Variants in KBTBD11 observed in about 807,000 individuals in gnomAD.
The protein encoded by KBTBD11 is kelch repeat and BTB domain-containing protein 11.
For missense variants in KBTBD11, 1,390 were observed against 1,001.8 expected (o/e 1.39, Z -5.23); for synonymous variants, 747 against 499.0 (o/e 1.50, Z -6.63).
rs781135669 is a variant in KBTBD11, at chr8:2,002,503, C to A, written c.1311C>A (p.Pro437=). The A allele has an allele frequency of 5.3e-6, 8 of 1,512,662 alleles. No homozygotes were observed. Among genetic ancestry groups the A allele is most frequent in the South Asian group, 2.5e-5 (2 of 81,512 alleles). 93.7% of individuals were successfully genotyped at this position (1,512,662 alleles called of 1,614,324 possible). Residue 437 remains proline (P), a synonymous_variant, in exon 2 of 2, where the codon CCC becomes CCA. Transcript: ENST00000320248. This position sits in a 1 kb window ranked among gnomAD's most constrained non-coding sequence, Gnocchi z 4.1. ...ACCCGCGCGCCGACCGCTGGGCCCC[C>A]GTGGCGCCGCTGCCCCGGGGCGCCT... ...RYDPRADRWA[P]VAPLPRGAFA... is the part of the protein sequence containing the mutation.
At position 1,973,889 on chromosome 8, in the gene KBTBD11, C is replaced by G. The variant is rs929179839; in HGVS notation, c.-955C>G. ...CGCGCATGCGCCGGAGCCCACCCGC[C>G]TGGCTGCGCGTCCCGGGCCCGGCGG... is the stretch of plus-strand genomic sequence containing the variant. On this transcript the variant is annotated 5_prime_UTR_variant, in exon 1 of 2. Transcript: ENST00000320248. 2.0e-6 allele frequency: 2 copies of G among 982,936 alleles called. No homozygotes were observed. The highest frequency in any genetic ancestry group is 3.5e-5 in the African/African-American group (2 of 56,792). 60.9% of individuals were successfully genotyped at this position (982,936 alleles called of 1,614,324 possible).
At position 1,973,679 on chromosome 8, in the gene KBTBD11, G is replaced by T; in HGVS notation, c.-1165G>T. ...TGCACGCGCCCGCCCCCCTCCCCGC[G>T]CCCCGCGCGCGCCCCTCGCAGCCTG... On this transcript the variant is annotated 5_prime_UTR_variant, in exon 1 of 2. Coordinates refer to ENST00000320248, the MANE Select transcript of KBTBD11 (RefSeq NM_014867.3). The T allele has an allele frequency of 1.0e-6, 1 of 982,170 alleles. No homozygotes were observed. The highest frequency in any genetic ancestry group is 1.2e-6 in the Non-Finnish European group (1 of 827,828). The allele number at this position is 982,170 out of a possible 1,614,324, so 60.8% of individuals were successfully genotyped here. A position where few individuals can be genotyped will look rare whatever the true frequency, so the allele number is the denominator to read the frequency against.
At chr8:1,979,106 A>T (rs1032778658) in intron 1 of KBTBD11, among the ~76,000 whole-genome samples, 1 of 152,146 alleles carries the variant, frequency 6.6e-6, no homozygotes, top group Non-Finnish European at 1.5e-5. Context: ...GAGGGATTAG[A>T]GAGCAAGATT....
Position 2,001,280 on chromosome 8 carries a change from C to G in KBTBD11, c.88C>G (p.Pro30Ala), listed in dbSNP as rs1010143099. The G allele has an allele frequency of 1.4e-5, 22 of 1,521,050 alleles. No homozygotes were observed. The African/African-American group carries it at 2.1e-4, about 15-fold the overall frequency. 94.2% of individuals were successfully genotyped at this position (1,521,050 alleles called of 1,614,324 possible). A position where few individuals can be genotyped will look rare whatever the true frequency, so the allele number is the denominator to read the frequency against. ...GAGCGAGAGCGAGGGCGCCGCGTCC[C>G]CGGCGCAGACACCCTGCAGTCTCGG... ...GESESEGAAS[P>A]AQTPCSLGAS... The change falls in exon 2 of 2, where the codon CCG (proline) becomes GCG (alanine). Residue 30 changes from proline to alanine, a missense_variant. By Grantham distance (27) the Pro-to-Ala change is conservative. Transcript: ENST00000320248.
At chr8:1,974,263 C>A in intron 1 of KBTBD11, 4 of 978,672 alleles carry the variant, frequency 4.1e-6, no homozygotes, top group Non-Finnish European at 4.9e-6. Context: ...GGGGTCTCCA[C>A]AGGCCCTCCC....
intron 1 of KBTBD11, among the ~76,000 whole-genome samples, chr8:1,985,096 A>G (rs1416402008): frequency 6.6e-6 from 1 of 152,214 alleles, no homozygotes. Flanking sequence ...GCCCTTCTGT[A>G]GGAACTCCTG....
chr8:1,984,677 A>C lies in KBTBD11; in HGVS notation c.-909+10742A>C, dbSNP rs556276629. 2.0e-5 allele frequency among the ~76,000 whole-genome samples: 3 copies of C among 152,162 alleles called. No individual in the cohort carries two copies. The South Asian group carries it at 6.2e-4, about 32-fold the overall frequency. On this transcript the variant is annotated intron_variant, in intron 1 of 1. Transcript: ENST00000320248. Reference sequence around the variant, plus strand: ...CCTAAAAAGCACACGTGTGATAGGCACTCCAAACTTGACTTCCCACAGGAG... The same window carrying C: ...CCTAAAAAGCACACGTGTGATAGGCCCTCCAAACTTGACTTCCCACAGGAG...
At chr8:1,976,155 G>C (rs1253985761) in intron 1 of KBTBD11, 1 of 152,174 alleles carries the variant, frequency 6.6e-6, no homozygotes, top group Non-Finnish European at 1.5e-5. Flanking sequence ...CTTGAGAAGG[G>C]CCCGGAGAAC....
intron 1 of KBTBD11, among the ~76,000 whole-genome samples, chr8:1,987,232 A>G (rs575654937): frequency 2.0e-5 from 3 of 152,196 alleles, no homozygotes; most frequent in African/African-American, 2.4e-5. Flanking sequence ...TAAAATATAC[A>G]TAAATAGAAT....
Position 2,005,069 on chromosome 8 carries a change from C to G in KBTBD11, c.*2005C>G, listed in dbSNP as rs1817529759. Reference sequence around the variant, plus strand: ...TATTGAAATTAGGCTTCCAGAGTAACACTGTCCCCGGAAAAGGATATGAGA... The same window carrying G: ...TATTGAAATTAGGCTTCCAGAGTAAGACTGTCCCCGGAAAAGGATATGAGA... On this transcript the variant is annotated 3_prime_UTR_variant, in exon 2 of 2. Coordinates refer to ENST00000320248, the MANE Select transcript of KBTBD11 (RefSeq NM_014867.3). The G allele has an allele frequency of 6.0e-6, 1 of 166,990 alleles. No individual in the cohort carries two copies. Among genetic ancestry groups the G allele is most frequent in the Non-Finnish European group, 1.5e-5 (1 of 68,128 alleles). The allele number at this position is 166,990 out of a possible 1,614,324, so 10.3% of individuals were successfully genotyped here. A position where few individuals can be genotyped will look rare whatever the true frequency, so the allele number is the denominator to read the frequency against.
rs1237732385 is a variant in KBTBD11, at chr8:2,001,936, G to C, written c.744G>C (p.Leu248=). ...TGAGCGCGGCCAAGCGGCAGCGGCT[G>C]AACGAGCTGCGCGACGCCGCCTACT... The part of the protein sequence containing the change: ...EVLSAAKRQR[L]NELRDAAYCF... Residue 248 remains leucine, a synonymous_variant, in exon 2 of 2, where the codon CTG becomes CTC. Transcript: ENST00000320248. 2 of 1,472,258 alleles carry C rather than the reference G, an allele frequency of 1.4e-6. No homozygotes were observed. Among genetic ancestry groups the C allele is most frequent in the Non-Finnish European group, 9.0e-7 (1 of 1,108,550 alleles). The allele number at this position is 1,472,258 out of a possible 1,614,324, so 91.2% of individuals were successfully genotyped here.
Position 2,002,304 on chromosome 8 carries a change from G to C in KBTBD11, c.1112G>C (p.Gly371Ala). ...GTGGCGGGCGGCGTGGCGCCCGCGG[G>C]CCCCGACGGCCGCGCGCGCCCGTCC... ...LFVAGGVAPA[G>A]PDGRARPSDQ... is the part of the protein sequence containing the mutation. The change falls in exon 2 of 2, where the codon GGC becomes GCC. Residue 371 changes from glycine (G) to alanine (A), a missense_variant. Transcript: ENST00000320248. This position sits in a 1 kb window ranked among gnomAD's most constrained non-coding sequence, Gnocchi z 4.1. 7.4e-7 allele frequency: 1 copy of C among 1,350,982 alleles called. No individual in the cohort carries two copies. The highest frequency in any genetic ancestry group is 9.4e-7 in the Non-Finnish European group (1 of 1,060,648). The allele number at this position is 1,350,982 out of a possible 1,614,324, so 83.7% of individuals were successfully genotyped here. A position where few individuals can be genotyped will look rare whatever the true frequency, so the allele number is the denominator to read the frequency against.
chr8:1,976,725 G>A (rs1202352625), intron 1 of KBTBD11, among the ~76,000 whole-genome samples: 1 of 152,216 alleles, frequency 6.6e-6, no homozygotes, highest in Non-Finnish European at 1.5e-5. Flanking sequence ...AACACACGGA[G>A]ATGAGTGCGT....
intron 1 of KBTBD11, among the ~76,000 whole-genome samples, chr8:1,995,855 T>A (rs1817118304): frequency 6.6e-6 from 1 of 152,082 alleles, no homozygotes; most frequent in South Asian, 2.1e-4. Flanking sequence ...CGAGATCCTG[T>A]TTCTACTAAA....
rs568932710 is a variant in KBTBD11 at position 2,004,328 on chromosome 8, A to G, written c.*1264A>G. On this transcript the variant is annotated 3_prime_UTR_variant, in exon 2 of 2. Coordinates refer to ENST00000320248, the MANE Select transcript of KBTBD11 (RefSeq NM_014867.3). ...AACATTTTACTTTTCAAGTGTGTAT[A>G]CAGAGGACTTACTATTATGACTTTG... 1.2e-3 allele frequency: 196 copies of G among 166,972 alleles called. No homozygotes were observed. The highest frequency in any genetic ancestry group is 1.8e-3 in the Non-Finnish European group (123 of 68,116). The allele number at this position is 166,972 out of a possible 1,614,324, so 10.3% of individuals were successfully genotyped here. A position where few individuals can be genotyped will look rare whatever the true frequency, so the allele number is the denominator to read the frequency against.
chr8:2,001,334 G>T lies in KBTBD11; in HGVS notation c.142G>T (p.Glu48Ter), dbSNP rs1489209935. The T allele has an allele frequency of 6.6e-7, 1 of 1,514,046 alleles. No homozygotes were observed. The highest frequency in any genetic ancestry group is 8.8e-7 in the Non-Finnish European group (1 of 1,138,826). 93.8% of individuals were successfully genotyped at this position (1,514,046 alleles called of 1,614,324 possible). A position where few individuals can be genotyped will look rare whatever the true frequency, so the allele number is the denominator to read the frequency against. ...GASLCFSSGE[E>*]SPPQSLASAA... ...GTCCCTGTGCTTCAGCTCCGGGGAA[G>T]AGTCCCCGCCGCAGTCCCTCGCCTC... is the stretch of plus-strand genomic sequence containing the variant. The change falls in exon 2 of 2, where the codon GAG becomes TAG. Residue 48 changes from glutamate (E) to a stop codon, truncating the protein, a stop_gained. Transcript: ENST00000320248. LOFTEE classifies it low-confidence loss of function (END_TRUNC).
At chr8:1,994,797 G>A (rs540506607) in intron 1 of KBTBD11, among the ~76,000 whole-genome samples, 2 of 152,262 alleles carry the variant, frequency 1.3e-5, no homozygotes, top group South Asian at 2.1e-4. Context: ...GGTGGCTGAC[G>A]CCTGTAATCC....
At chr8:1,993,796 G>T (rs1326958286) in intron 1 of KBTBD11, among the ~76,000 whole-genome samples, 1 of 151,884 alleles carries the variant, frequency 6.6e-6, no homozygotes, top group African/African-American at 2.4e-5. Flanking sequence ...ATTAGAGAAT[G>T]CACCATGGCA....
rs1817555409 is a variant in KBTBD11, at chr8:2,005,778, A to C, written c.*2714A>C. ...TTCCAAATGTCTGACTCGTGAAATT[A>C]ACCCATACGCAGGGGCCTTTCCAAA... On this transcript the variant is annotated 3_prime_UTR_variant, in exon 2 of 2. Transcript: ENST00000320248. 6.0e-6 allele frequency: 1 copy of C among 167,120 alleles called. No individual in the cohort carries two copies. Among genetic ancestry groups the C allele is most frequent in the African/African-American group, 2.4e-5 (1 of 41,470 alleles). 10.4% of individuals were successfully genotyped at this position (167,120 alleles called of 1,614,324 possible).
Sources: allele counts gnomAD v4.1 joint callset (sites outside exome capture counted in the v4.1 genomes callset), GRCh38; gene constraint gnomAD v4.1.1; non-coding constraint Gnocchi (gnomAD v3.1); transcripts MANE v1.5; gene names NCBI Gene and HGNC (gene_info 2026-07-23, HGNC 2026-07-21).